The following DLG2 variants were observed in gnomAD, a reference collection of about 807,000 sequenced individuals.
DLG2 encodes the protein disks large homolog 2.
A neutral mutation model predicts 132.5 loss-of-function variants in DLG2; 45 were observed. The ratio of observed to expected loss-of-function variants is 0.34; its 90% CI spans 0.27 to 0.44. The LOEUF (loss-of-function observed/expected upper bound fraction) is 0.44, where lower values mean the gene tolerates loss of function less well. Ranked by LOEUF, DLG2 falls within the 20% of genes least tolerant of loss-of-function variation. The pLI is 1.00. For synonymous variants in DLG2, 424 were observed against 419.6 expected (o/e 1.01, Z -0.13); for missense variants, 1,045 against 1,196.9 (o/e 0.87, Z 1.87).
Position 83,925,814 on chromosome 11 carries a change from A to G in DLG2, c.1496+4514T>C, listed in dbSNP as rs528673579. ...ATAAATATTGATAAAACAGCCAAGA[A>G]TACTATTCTCCTTGCCCTAGAAATA... On this transcript the variant is annotated intron_variant, in intron 15 of 27. Coordinates refer to ENST00000376104, the MANE Select transcript of DLG2 (RefSeq NM_001142699.3). 6.6e-5 allele frequency among the ~76,000 whole-genome samples: 10 copies of G among 152,280 alleles called. No homozygotes were observed. In the South Asian group the frequency reaches 1.0e-3, roughly 16 times the overall value.
intron 6 of DLG2, among the ~76,000 whole-genome samples, chr11:84,877,917 C>T (rs772936646): frequency 6.6e-6 from 1 of 152,080 alleles, no homozygotes; most frequent in Non-Finnish European, 1.5e-5. Flanking sequence ...TAAACAGACA[C>T]TTCTCAAAAG....
intron 6 of DLG2, among the ~76,000 whole-genome samples, chr11:84,641,301 A>G (rs1009941414): frequency 6.6e-6 from 1 of 152,200 alleles, no homozygotes; most frequent in Non-Finnish European, 1.5e-5. Flanking sequence ...GTTGAAGATG[A>G]CATAAGTTAA....
At chr11:84,360,289 C>T (rs1419683154) in intron 7 of DLG2, among the ~76,000 whole-genome samples, 1 of 151,554 alleles carries the variant, frequency 6.6e-6, no homozygotes, top group Non-Finnish European at 1.5e-5. Context: ...TTGAAGAAGA[C>T]AATCAAGGGA....
intron 7 of DLG2, among the ~76,000 whole-genome samples, chr11:84,446,418 AT>A (rs1209074132): frequency 6.6e-6 from 1 of 151,968 alleles, no homozygotes; most frequent in Non-Finnish European, 1.5e-5. Context: ...GTACATTTTT[AT>A]TCTGAGATTA....
At chr11:84,552,015 G>C (rs1209852065) in intron 6 of DLG2, among the ~76,000 whole-genome samples, 3 of 152,092 alleles carry the variant, frequency 2.0e-5, no homozygotes, top group Admixed American at 1.3e-4. Context: ...TCAGAGTGAA[G>C]GCCAAGATGG....
intron 7 of DLG2, among the ~76,000 whole-genome samples, chr11:84,378,783 C>CA (rs57445837): frequency 0.28 from 40,184 of 142,866 alleles, 7,166 homozygotes; most frequent in African/African-American, 0.52. Context: ...ACAAAAAATA[C>CA]AAAAAAAAAA....
At chr11:85,407,935 C>T (rs904148814) in intron 3 of DLG2, among the ~76,000 whole-genome samples, 1 of 151,260 alleles carries the variant, frequency 6.6e-6, no homozygotes, top group African/African-American at 2.4e-5. Context: ...TGTTGGAAGT[C>T]TTTTGGAGTA....
chr11:85,590,649 C>CTA lies in DLG2; in HGVS notation c.40+8007_40+8008insTA, dbSNP rs1404317327. Reference sequence around the variant, plus strand: ...TTTTTTATATTCTCTCTCTCTCTCTCTCTATATATATATATATAAATTCCC... The same window carrying CTA: ...TTTTTTATATTCTCTCTCTCTCTCTCTATCTATATATATATATATAAATTCCC... On this transcript the variant is annotated intron_variant, in intron 3 of 27. Coordinates refer to ENST00000376104, the MANE Select transcript of DLG2 (RefSeq NM_001142699.3). 2.3e-3 allele frequency among the ~76,000 whole-genome samples: 342 copies of CTA among 150,710 alleles called. 1 individual carries two copies. Among genetic ancestry groups the CTA allele is most frequent in the South Asian group, 3.5e-3 (17 of 4,794 alleles).
intron 11 of DLG2, among the ~76,000 whole-genome samples, chr11:83,996,619 T>C (rs1424241076): frequency 6.6e-6 from 1 of 152,120 alleles, no homozygotes; most frequent in Non-Finnish European, 1.5e-5. Flanking sequence ...ACATACACAA[T>C]GGAGAACTAT....
chr11:85,417,494 G>C (rs751760436), intron 3 of DLG2, among the ~76,000 whole-genome samples: 1 of 152,090 alleles, frequency 6.6e-6, no homozygotes, highest in Non-Finnish European at 1.5e-5. Flanking sequence ...TTTTTCTATT[G>C]GTTGGAATAG....
At chr11:84,282,518 T>C (rs2097863097) in intron 7 of DLG2, among the ~76,000 whole-genome samples, 1 of 152,134 alleles carries the variant, frequency 6.6e-6, no homozygotes, top group East Asian at 1.9e-4. Flanking sequence ...TCAGTGAAGC[T>C]ATTTAAATTT....
intron 18 of DLG2, among the ~76,000 whole-genome samples, chr11:83,709,247 GTGTA>G (rs2084794322): frequency 2.7e-5 from 4 of 148,154 alleles, no homozygotes; most frequent in African/African-American, 1.0e-4. Context: ...GTGTGTGTGT[GTGTA>G]TATGTGTGTA....
intron 8 of DLG2, among the ~76,000 whole-genome samples, chr11:84,202,195 T>C (rs1339074120): frequency 1.3e-5 from 2 of 151,956 alleles, no homozygotes; most frequent in South Asian, 2.1e-4. Flanking sequence ...ACTGGAGACA[T>C]CACACTATCC....
intron 6 of DLG2, among the ~76,000 whole-genome samples, chr11:84,829,385 AATAATGATTC>A (rs2078736593): frequency 6.6e-6 from 1 of 151,756 alleles, no homozygotes; most frequent in Non-Finnish European, 1.5e-5. Context: ...TGGATACCAG[AATAATGATTC>A]ATAATGAACA....
intron 15 of DLG2, among the ~76,000 whole-genome samples, chr11:83,882,226 C>T (rs2066472009): frequency 6.6e-6 from 1 of 151,938 alleles, no homozygotes; most frequent in African/African-American, 2.4e-5. Flanking sequence ...AAACTGTGGC[C>T]AGACGTTGAA....
intron 6 of DLG2, among the ~76,000 whole-genome samples, chr11:84,993,312 G>T (rs1167684254): frequency 6.6e-6 from 1 of 152,162 alleles, no homozygotes; most frequent in Non-Finnish European, 1.5e-5. Context: ...CCTAATGCAT[G>T]CAGGCCTTAA....
intron 5 of DLG2, among the ~76,000 whole-genome samples, chr11:85,112,681 G>A (rs905468420): frequency 6.6e-6 from 1 of 152,000 alleles, no homozygotes; most frequent in African/African-American, 2.4e-5. Flanking sequence ...GGAGTATTAT[G>A]CTCACTTTCT....
intron 6 of DLG2, among the ~76,000 whole-genome samples, chr11:85,001,118 G>A (rs1206060069): frequency 6.6e-6 from 1 of 151,518 alleles, no homozygotes; most frequent in South Asian, 2.1e-4. Flanking sequence ...TTTTGAGACA[G>A]TATCTCACTC....
chr11:83,573,180 A>G (rs747969585), intron 19 of DLG2, among the ~76,000 whole-genome samples: 1 of 152,188 alleles, frequency 6.6e-6, no homozygotes, highest in Non-Finnish European at 1.5e-5. Flanking sequence ...TCAATTTATG[A>G]CTAAATAAAT....
Sources: allele counts gnomAD v4.1 joint callset (sites outside exome capture counted in the v4.1 genomes callset), GRCh38; gene constraint gnomAD v4.1.1; transcripts MANE v1.5; gene names NCBI Gene and HGNC (gene_info 2026-07-23, HGNC 2026-07-21).